The following TMTC3 variants were observed in gnomAD, a reference collection of about 807,000 sequenced individuals.
The protein encoded by TMTC3 is protein O-mannosyl-transferase TMTC3.
A neutral mutation model predicts 92.2 loss-of-function variants in TMTC3; 52 were observed. The ratio of observed to expected loss-of-function variants is 0.56; its 90% CI spans 0.45 to 0.71. The LOEUF (loss-of-function observed/expected upper bound fraction) is 0.71. TMTC3 is among the 30% of genes least tolerant of loss of function. The pLI, the probability that TMTC3 is intolerant of heterozygous loss-of-function variation, is 0.00. For synonymous variants in TMTC3, 339 were observed against 363.3 expected, an observed-to-expected ratio of 0.93 and a Z score of 0.76; for missense variants, 896 against 1,057.1, an observed-to-expected ratio of 0.85 and a Z score of 2.11.
rs930627610 is a variant in TMTC3 at position 88,166,208 on chromosome 12, G to T, written c.798-122G>T. On this transcript the variant is annotated intron_variant, in intron 6 of 13. Coordinates refer to ENST00000266712, the MANE Select transcript of TMTC3 (RefSeq NM_181783.4). ...AGAGTCTGAGGTACACATAACATTTGTCTGTGTCTTCTGTTTAATAAGATG... is the reference window on the plus strand; with the variant it reads ...AGAGTCTGAGGTACACATAACATTTTTCTGTGTCTTCTGTTTAATAAGATG... 1.0e-5 allele frequency: 10 copies of T among 962,590 alleles called. No individual in the cohort carries two copies. In the Admixed American group the frequency reaches 2.7e-4, roughly 26 times the overall value. 59.6% of individuals were successfully genotyped at this position (962,590 alleles called of 1,614,324 possible). A position where few individuals can be genotyped will look rare whatever the true frequency, so the allele number is the denominator to read the frequency against.
At chr12:88,176,436 A>T in intron 10 of TMTC3, 117 bp downstream of exon 10, 1 of 665,604 alleles carries the variant, frequency 1.5e-6, no homozygotes, top group South Asian at 2.1e-5. Flanking sequence ...TGAATACTAG[A>T]GTTCAGTGCT....
rs1267209592 is a variant in TMTC3, at chr12:88,198,702, CAT to C, written c.*3054_*3055del. The C allele has an allele frequency of 9.8e-6, 3 of 306,642 alleles. No homozygotes were observed. The highest frequency in any genetic ancestry group is 1.8e-5 in the Non-Finnish European group (3 of 169,178). The allele number at this position is 306,642 out of a possible 1,614,324, so 19.0% of individuals were successfully genotyped here. A position where few individuals can be genotyped will look rare whatever the true frequency, so the allele number is the denominator to read the frequency against. The stretch of plus-strand genomic sequence containing the variant: ...TACATCTAATTTGAACTCTCAACTT[CAT>C]GTTACAGAATGCTTTAAAGATGCTT... On this transcript the variant is annotated 3_prime_UTR_variant, in exon 14 of 14. Transcript: ENST00000266712.
At chr12:88,152,411 A>G (rs928605380) in intron 2 of TMTC3, among the ~76,000 whole-genome samples, 1 of 152,072 alleles carries the variant, frequency 6.6e-6, no homozygotes, top group African/African-American at 2.4e-5. Flanking sequence ...TGACCCAAAC[A>G]TCTCCCACCA....
chr12:88,166,534 A>AGT lies in TMTC3; in HGVS notation c.1003_1004dup (p.Phe336TyrfsTer15). ...TCTTTTGTTTTCTGGGGATGTTGGG[A>AGT]GTATTCAGTATCAGATACTCTGGTG... On this transcript the variant is annotated frameshift_variant, in exon 7 of 14. Transcript: ENST00000266712. LOFTEE classifies it high-confidence loss of function. 4 of 1,613,898 alleles carry AGT rather than the reference A, an allele frequency of 2.5e-6. No individual in the cohort carries two copies. The highest frequency in any genetic ancestry group is 3.4e-6 in the Non-Finnish European group (4 of 1,179,904).
rs1164878595 is a variant in TMTC3, at chr12:88,199,446, T to C, written c.*3797T>C. Reference sequence around the variant, plus strand: ...GCACATAGCAAATAATAAATATTAGTTATTAGTATAAACATAAGGCTTAAA... The same window carrying C: ...GCACATAGCAAATAATAAATATTAGCTATTAGTATAAACATAAGGCTTAAA... On this transcript the variant is annotated 3_prime_UTR_variant, in exon 14 of 14. Coordinates refer to ENST00000266712, the MANE Select transcript of TMTC3 (RefSeq NM_181783.4). The C allele has an allele frequency of 6.6e-6, 1 of 151,952 alleles. No homozygotes were observed. The highest frequency in any genetic ancestry group is 2.4e-5 in the African/African-American group (1 of 41,380). 9.4% of individuals were successfully genotyped at this position (151,952 alleles called of 1,614,324 possible).
In TMTC3 at chr12:88,195,288, T is replaced by G. The variant is rs368276645; in HGVS notation, c.2384T>G (p.Leu795Arg). The stretch of plus-strand genomic sequence containing the variant: ...TTATTAAAAGCTGAAAGATGCCTTC[T>G]TGAAACACTGGCATTAGCACCACAT... Reference protein sequence around the residue: ...KDLLKAERCLLETLALAPHEE... With the variant: ...KDLLKAERCLRETLALAPHEE... Residue 795 changes from leucine to arginine, a missense_variant, in exon 14 of 14, where the codon CTT becomes CGT. Coordinates refer to ENST00000266712, the MANE Select transcript of TMTC3 (RefSeq NM_181783.4). 6 of 1,613,776 alleles carry G rather than the reference T, an allele frequency of 3.7e-6. No homozygotes were observed. The highest frequency in any genetic ancestry group is 2.2e-5 in the East Asian group (1 of 44,836).
At chr12:88,157,047 A>G (rs2041020822) in intron 4 of TMTC3, among the ~76,000 whole-genome samples, 1 of 152,088 alleles carries the variant, frequency 6.6e-6, no homozygotes, top group Non-Finnish European at 1.5e-5. Flanking sequence ...GCTTTCTCAC[A>G]ATAGAACGTG....
intron 11 of TMTC3, among the ~76,000 whole-genome samples, chr12:88,189,767 G>A (rs989682645): frequency 2.0e-5 from 3 of 152,072 alleles, no homozygotes; most frequent in African/African-American, 7.2e-5. Flanking sequence ...CACTTGTCTG[G>A]TGAAGTTTGG....
At chr12:88,165,349 T>C (rs955968576) in intron 6 of TMTC3, among the ~76,000 whole-genome samples, 3 of 152,080 alleles carry the variant, frequency 2.0e-5, no homozygotes, top group African/African-American at 7.2e-5. Context: ...AAAGATAACT[T>C]TTTATTCAGT....
intron 5 of TMTC3, 57 bp downstream of exon 5, chr12:88,160,286 A>AT: frequency 1.0e-6 from 1 of 970,532 alleles, no homozygotes; most frequent in Non-Finnish European, 1.5e-6. Flanking sequence ...TCCTAGTTGA[A>AT]TCAAATTTTA....
intron 6 of TMTC3, among the ~76,000 whole-genome samples, chr12:88,164,707 C>T (rs532598774): frequency 6.6e-6 from 1 of 152,196 alleles, no homozygotes; most frequent in South Asian, 2.1e-4. Flanking sequence ...CCATTACATG[C>T]AAGAACTTTT....
Position 88,166,546 on chromosome 12 carries a change from C to T in TMTC3, c.1014C>T (p.Ile338=). 6.2e-7 allele frequency: 1 copy of T among 1,613,768 alleles called. No individual in the cohort carries two copies. Among genetic ancestry groups the T allele is most frequent in the Non-Finnish European group, 8.5e-7 (1 of 1,179,850 alleles). The change falls in exon 7 of 14, where the codon ATC becomes ATT. Residue 338 remains isoleucine, a synonymous_variant. Transcript: ENST00000266712. ...CFLGMLGVFS[I]RYSGDSSKTV... is the part of the protein sequence containing the mutation. Reference sequence around the variant, plus strand: ...TGGGGATGTTGGGAGTATTCAGTATCAGATACTCTGGTGATTCCTCCAAGA... The same window carrying T: ...TGGGGATGTTGGGAGTATTCAGTATTAGATACTCTGGTGATTCCTCCAAGA...
chr12:88,146,535 G>C (rs2040875955), intron 1 of TMTC3, among the ~76,000 whole-genome samples: 1 of 150,836 alleles, frequency 6.6e-6, no homozygotes. Flanking sequence ...ATAACTATAA[G>C]CACATGAGTG....
chr12:88,190,278 T>C (rs1020789032), intron 11 of TMTC3, among the ~76,000 whole-genome samples, 175 bp from the exon 12 acceptor site: 6 of 152,184 alleles, frequency 3.9e-5, no homozygotes, highest in African/African-American at 1.4e-4. Context: ...ATCAGAACTT[T>C]TAGAAGTCAA....
At chr12:88,188,732 T>C in intron 10 of TMTC3, 111 bp from the exon 11 acceptor site, 2 of 555,408 alleles carry the variant, frequency 3.6e-6, no homozygotes, top group Non-Finnish European at 6.2e-6. Context: ...TGTCTTCTCA[T>C]TAGTTACATT....
At chr12:88,188,516 CTCTCTTATG>C (rs2041403738) in intron 10 of TMTC3, among the ~76,000 whole-genome samples, 1 of 152,100 alleles carries the variant, frequency 6.6e-6, no homozygotes, top group South Asian at 2.1e-4. Flanking sequence ...TTACCTTTAT[CTCTCTTATG>C]TCTCAACTCT....
Position 88,198,699 on chromosome 12 carries a change from C to T in TMTC3, c.*3050C>T. 1 of 310,180 alleles carries T rather than the reference C, an allele frequency of 3.2e-6. No homozygotes were observed. Among genetic ancestry groups the T allele is most frequent in the East Asian group, 5.1e-5 (1 of 19,678 alleles). The allele number at this position is 310,180 out of a possible 1,614,324, so 19.2% of individuals were successfully genotyped here. ...CATTACATCTAATTTGAACTCTCAA[C>T]TTCATGTTACAGAATGCTTTAAAGA... On this transcript the variant is annotated 3_prime_UTR_variant, in exon 14 of 14. Transcript: ENST00000266712.
chr12:88,165,117 A>G (rs2041129558), intron 6 of TMTC3, among the ~76,000 whole-genome samples: 1 of 152,108 alleles, frequency 6.6e-6, no homozygotes. Flanking sequence ...TGTATGTGTT[A>G]GTAGGTATGA....
chr12:88,177,627 C>T (rs1268105172), intron 10 of TMTC3, among the ~76,000 whole-genome samples: 5 of 152,068 alleles, frequency 3.3e-5, no homozygotes, highest in South Asian at 2.1e-4. Flanking sequence ...GTGCTATTGG[C>T]GTTTTGAGTG....
Sources: gnomAD v4.1 joint callset for allele counts (sites outside exome capture counted in the v4.1 genomes callset) on GRCh38, gnomAD v4.1.1 for gene constraint, MANE v1.5 for transcripts, NCBI Gene and HGNC (gene_info 2026-07-23, HGNC 2026-07-21) for gene names.